Variants in RTL1 observed in about 807,000 individuals in gnomAD.
The protein encoded by RTL1 is retrotransposon Gag like 1, also known as retrotransposon-like protein 1.
For missense variants in RTL1, 1,681 were observed against 1,767.5 expected (o/e 0.95, Z 0.88); for synonymous variants, 727 against 748.4 (o/e 0.97, Z 0.47).
chr14:100,897,778 C>CGGGGGGGGGGGGG (rs1299149513), intron 2 of RTL1: 1 of 26,106 alleles, frequency 3.8e-5, no homozygotes, highest in Non-Finnish European at 7.5e-5. Flanking sequence ...GGGTGGGGGG[C>CGGGGGGGGGGGGG]GGGGGGGGGC....
intron 2 of RTL1, among the ~76,000 whole-genome samples, chr14:100,900,408 C>T (rs538056583): frequency 2.6e-5 from 4 of 152,298 alleles, no homozygotes; most frequent in Admixed American, 1.3e-4. Flanking sequence ...CTCCGCTCTC[C>T]GAAATGTTTG....
At chr14:100,892,501 C>A (rs769398841) in intron 3 of RTL1, among the ~76,000 whole-genome samples, 8 of 152,212 alleles carry the variant, frequency 5.3e-5, no homozygotes, top group South Asian at 2.1e-4. Flanking sequence ...ACTGTTACTT[C>A]CAGAACACCC....
rs1315926166 is a variant in RTL1, at chr14:100,880,195, G to A, written c.*517C>T. On this transcript the variant is annotated 3_prime_UTR_variant, in exon 4 of 4. Coordinates refer to ENST00000649591, the MANE Select transcript of RTL1 (RefSeq NM_001134888.3). Reference sequence around the variant, plus strand: ...GGGAGGCACCACATCATCAGATGTCGGGAGGTTGGGGGATGGGGGTTGGGG... The same window carrying A: ...GGGAGGCACCACATCATCAGATGTCAGGAGGTTGGGGGATGGGGGTTGGGG... 8.0e-5 allele frequency among the ~76,000 whole-genome samples: 12 copies of A among 149,644 alleles called. No homozygotes were observed. The highest frequency in any genetic ancestry group is 1.2e-4 in the African/African-American group (5 of 40,668).
At position 100,881,987 on chromosome 14, in the gene RTL1, C is replaced by T; in HGVS notation, c.2802G>A (p.Trp934Ter). ...ILPIRAAFMV[W>*]CRYLENTEEP... Reference sequence around the variant, plus strand: ...CCTCGGTGTTCTCCAGGTAGCGGCACCACACCATGAAGGCAGCCCGTATTG... The same window carrying T: ...CCTCGGTGTTCTCCAGGTAGCGGCATCACACCATGAAGGCAGCCCGTATTG... The change falls in exon 4 of 4, where the codon TGG (tryptophan) becomes TGA (stop). Residue 934 changes from tryptophan to a stop codon, truncating the protein, a stop_gained. Transcript: ENST00000649591. LOFTEE classifies it low-confidence loss of function (END_TRUNC). The surrounding 1 kb of genome is among the most constrained non-coding windows in gnomAD (Gnocchi z 6.6). 1 of 1,613,724 alleles carries T rather than the reference C, an allele frequency of 6.2e-7. No homozygotes were observed. The highest frequency in any genetic ancestry group is 8.5e-7 in the Non-Finnish European group (1 of 1,179,946).
At position 100,880,657 on chromosome 14, in the gene RTL1, G is replaced by C. The variant is rs1170970219; in HGVS notation, c.*55C>G. Reference sequence around the variant, plus strand: ...GCGCGGGGAGGCCAGGGGACGTCGGGAGGTGTTGGGGTGAGAAATAGAGGG... The same window carrying C: ...GCGCGGGGAGGCCAGGGGACGTCGGCAGGTGTTGGGGTGAGAAATAGAGGG... On this transcript the variant is annotated 3_prime_UTR_variant, in exon 4 of 4. Coordinates refer to ENST00000649591, the MANE Select transcript of RTL1 (RefSeq NM_001134888.3). 1 of 1,545,640 alleles carries C rather than the reference G, an allele frequency of 6.5e-7. No homozygotes were observed. Among genetic ancestry groups the C allele is most frequent in the African/African-American group, 1.4e-5 (1 of 72,898 alleles).
rs1566760824 is a variant in RTL1, at chr14:100,897,755, G to GA, written c.-148-4251_-148-4250insT. 24 of 132,570 alleles carry GA rather than the reference G, an allele frequency of 1.8e-4. 1 individual carries two copies. The highest frequency in any genetic ancestry group is 3.6e-4 in the Admixed American group (4 of 11,224). 8.2% of individuals were successfully genotyped at this position (132,570 alleles called of 1,614,324 possible). A position where few individuals can be genotyped will look rare whatever the true frequency, so the allele number is the denominator to read the frequency against. On this transcript the variant is annotated intron_variant, in intron 2 of 3. Coordinates refer to ENST00000649591, the MANE Select transcript of RTL1 (RefSeq NM_001134888.3). ...CAGGTCCTTTACCCTGGTTGGCGGG[G>GA]GGGGGGGTGGGGGGGTGGGGGGCGG...
chr14:100,884,836 T>C lies in RTL1; in HGVS notation c.-48A>G, dbSNP rs1438190161. 4.0e-6 allele frequency: 6 copies of C among 1,504,848 alleles called. No individual in the cohort carries two copies. Among genetic ancestry groups the C allele is most frequent in the Non-Finnish European group, 4.5e-6 (5 of 1,121,836 alleles). The allele number at this position is 1,504,848 out of a possible 1,614,324, so 93.2% of individuals were successfully genotyped here. ...ATTCTGAAGATTGGTAAGGTTGTGA[T>C]GGCGTCCAGTCAGTAGCTGGGACCG... On this transcript the variant is annotated 5_prime_UTR_variant, in exon 4 of 4. Coordinates refer to ENST00000649591, the MANE Select transcript of RTL1 (RefSeq NM_001134888.3).
intron 2 of RTL1, among the ~76,000 whole-genome samples, chr14:100,895,485 G>A (rs921470275): frequency 1.3e-5 from 2 of 152,156 alleles, no homozygotes; most frequent in African/African-American, 4.8e-5. Context: ...CTCAACACAT[G>A]TAGAAAAGGC....
chr14:100,891,689 T>G (rs2038781549), intron 3 of RTL1, among the ~76,000 whole-genome samples: 1 of 152,216 alleles, frequency 6.6e-6, no homozygotes, highest in Admixed American at 6.5e-5. Context: ...AGCTTGTCCT[T>G]CTTGTCTTGC....
chr14:100,887,382 T>C (rs1266981510), intron 3 of RTL1, among the ~76,000 whole-genome samples: 4 of 152,230 alleles, frequency 2.6e-5, no homozygotes, highest in Admixed American at 6.5e-5. Flanking sequence ...ATTTTTAGCA[T>C]AGAACAATAC....
At position 100,881,704 on chromosome 14, in the gene RTL1, C is replaced by T; in HGVS notation, c.3085G>A (p.Glu1029Lys). ...SRGFPRDPSTESGEEENEEQD... is the reference protein window; with the variant it reads ...SRGFPRDPSTKSGEEENEEQD... ...TCTTCATTCTCTTCTTCCCCGGATT[C>T]CGTCGATGGATCCCTGGGGAATCCC... is the stretch of plus-strand genomic sequence containing the variant. The change falls in exon 4 of 4, where the codon GAA (glutamate) becomes AAA (lysine). Residue 1029 changes from glutamate to lysine, a missense_variant. Transcript: ENST00000649591. This position sits in a 1 kb window ranked among gnomAD's most constrained non-coding sequence, Gnocchi z 6.6. The T allele has an allele frequency of 6.3e-7, 1 of 1,576,882 alleles. No individual in the cohort carries two copies. Among genetic ancestry groups the T allele is most frequent in the Non-Finnish European group, 8.6e-7 (1 of 1,160,814 alleles).
At chr14:100,894,900 G>T (rs184908097) in intron 2 of RTL1, 1 of 152,258 alleles carries the variant, frequency 6.6e-6, no homozygotes, top group Non-Finnish European at 1.5e-5. Flanking sequence ...AGTGGGCAGT[G>T]GGTCCAGGGG....
chr14:100,884,632 G>T lies in RTL1; in HGVS notation c.157C>A (p.Gln53Lys). 1 of 1,613,590 alleles carries T rather than the reference G, an allele frequency of 6.2e-7. No individual in the cohort carries two copies. The change falls in exon 4 of 4, where the codon CAG becomes AAG. Residue 53 changes from glutamine to lysine, a missense_variant. Gln to Lys is a moderately conservative substitution (Grantham distance 53). Transcript: ENST00000649591. ...CCACTGGGGGGCTCCTTCTTTTCCTGGGCTGGGCCGCTGGCTGGCCCTGCC... is the reference window on the plus strand; with the variant it reads ...CCACTGGGGGGCTCCTTCTTTTCCTTGGCTGGGCCGCTGGCTGGCCCTGCC... ...GEAGPASGPA[Q>K]EKKEPPSGPL...
In RTL1 at chr14:100,882,461, T is replaced by C; in HGVS notation, c.2328A>G (p.Glu776=). 6.4e-7 allele frequency: 1 copy of C among 1,552,098 alleles called. No individual in the cohort carries two copies. Among genetic ancestry groups the C allele is most frequent in the Non-Finnish European group, 8.7e-7 (1 of 1,147,092 alleles). ...TGGGGGTGACGACGAAGCCCAGGAA[T>C]TCCACGGTTTGGCGGTGGAACTGGC... ...DKSQFHRQTV[E]FLGFVVTPKG... The change falls in exon 4 of 4, where the codon GAA becomes GAG. Residue 776 remains glutamate (E), a synonymous_variant. Transcript: ENST00000649591.
At chr14:100,894,323 A>G (rs1321125677) in intron 2 of RTL1, among the ~76,000 whole-genome samples, 1 of 136,196 alleles carries the variant, frequency 7.3e-6, no homozygotes, top group African/African-American at 2.9e-5. Flanking sequence ...AAAAAAAAAA[A>G]AAAGAAAAAA....
At chr14:100,897,778 C>CGG (rs1299149513) in intron 2 of RTL1, 13 of 26,600 alleles carry the variant, frequency 4.9e-4, no homozygotes, top group East Asian at 2.2e-3. Flanking sequence ...GGGTGGGGGG[C>CGG]GGGGGGGGGC....
chr14:100,899,661 C>T (rs1468040706), intron 2 of RTL1, among the ~76,000 whole-genome samples: 1 of 148,698 alleles, frequency 6.7e-6, no homozygotes, highest in Admixed American at 6.7e-5. Flanking sequence ...ACTTGAGCTG[C>T]GTGTCCTTGG....
Position 100,880,928 on chromosome 14 carries a change from C to T in RTL1, c.3861G>A (p.Gln1287=). 3 of 1,066,114 alleles carry T rather than the reference C, an allele frequency of 2.8e-6. No homozygotes were observed. Among genetic ancestry groups the T allele is most frequent in the East Asian group, 1.6e-4 (2 of 12,622 alleles). 66.0% of individuals were successfully genotyped at this position (1,066,114 alleles called of 1,614,324 possible). A position where few individuals can be genotyped will look rare whatever the true frequency, so the allele number is the denominator to read the frequency against. Residue 1287 remains glutamine (Q), a synonymous_variant, in exon 4 of 4, where the codon CAG becomes CAA. Coordinates refer to ENST00000649591, the MANE Select transcript of RTL1 (RefSeq NM_001134888.3). The part of the protein sequence containing the change: ...PPRPRHLMDP[Q]VLEFLGSRLL... ...GGCGGCTACCAAGGAATTCCAGGAC[C>T]TGGGGATCCATCAGGTGGCGTGGGC...
chr14:100,895,624 C>T (rs1452386939), intron 2 of RTL1, among the ~76,000 whole-genome samples: 2 of 152,012 alleles, frequency 1.3e-5, no homozygotes, highest in East Asian at 3.9e-4. Context: ...TTGCAGAGGG[C>T]ATTTTCTTGA....
Sources: gnomAD v4.1 joint callset for allele counts (sites outside exome capture counted in the v4.1 genomes callset) on GRCh38, gnomAD v4.1.1 for gene constraint, Gnocchi (gnomAD v3.1) non-coding constraint, MANE v1.5 for transcripts, NCBI Gene and HGNC (gene_info 2026-07-23, HGNC 2026-07-21) for gene names.